UGT2B7: variants seen among roughly 807,000 people sequenced by gnomAD.
UGT2B7 encodes UDP-glucuronosyltransferase 2B7.
A neutral mutation model predicts 51.9 loss-of-function variants in UGT2B7; 51 were observed. That is an observed-to-expected ratio of 0.98 (90% CI 0.78 to 1.24). UGT2B7 has a LOEUF of 1.24. UGT2B7 is among the 50% of genes most tolerant of loss of function. The pLI, the probability that UGT2B7 is intolerant of heterozygous loss-of-function variation, is 0.00. For synonymous variants in UGT2B7, 225 were observed against 211.6 expected (o/e 1.06, Z -0.55); for missense variants, 727 against 628.4 (o/e 1.16, Z -1.68).
chr4:69,084,885 T>C (rs540633003), intron 1 of UGT2B7, among the ~76,000 whole-genome samples: 1 of 152,292 alleles, frequency 6.6e-6, no homozygotes, highest in African/African-American at 2.4e-5. Context: ...ATTGGTTGGG[T>C]TGGTTCTAAA....
chr4:69,089,415 C>G (rs1197278023), intron 1 of UGT2B7: 2 of 152,154 alleles, frequency 1.3e-5, no homozygotes, highest in East Asian at 3.8e-4. Flanking sequence ...CATAAGTAAA[C>G]TATATTATTC....
At chr4:69,065,675 G>T (rs1258207965) in intron 1 of UGT2B7, among the ~76,000 whole-genome samples, 1 of 152,028 alleles carries the variant, frequency 6.6e-6, no homozygotes, top group Non-Finnish European at 1.5e-5. Flanking sequence ...CATAGATGAT[G>T]GCATAGATTT....
intron 2 of UGT2B7, among the ~76,000 whole-genome samples, chr4:69,099,347 C>T (rs1719353647): frequency 6.6e-6 from 1 of 151,014 alleles, no homozygotes; most frequent in Non-Finnish European, 1.5e-5. Flanking sequence ...GACTAAGACT[C>T]GGATGATGGT....
At chr4:69,112,303 A>G (rs1214451819) in intron 5 of UGT2B7, among the ~76,000 whole-genome samples, 154 bp from the exon 6 acceptor site, 4 of 152,136 alleles carry the variant, frequency 2.6e-5, no homozygotes, top group African/African-American at 9.7e-5. Context: ...CTTAAAAGGG[A>G]CAGGAATTGC....
In UGT2B7 at chr4:69,112,468, A is replaced by C. The variant is rs766105768; in HGVS notation, c.1322A>C (p.Asn441Thr). 42 of 1,613,368 alleles carry C rather than the reference A, an allele frequency of 2.6e-5. No individual in the cohort carries two copies. The highest frequency in any genetic ancestry group is 3.6e-5 in the Non-Finnish European group (42 of 1,179,758). ...RVINDPSYKE[N>T]VMKLSRIQHD... ...TTTTTATCTTTCAGATATAAAGAGA[A>C]TGTTATGAAATTATCAAGAATTCAA... The change falls in exon 6 of 6, where the codon AAT (asparagine) becomes ACT (threonine). Residue 441 changes from asparagine (N) to threonine (T), a missense_variant. Asn to Thr is a moderately conservative substitution (Grantham distance 65). Transcript: ENST00000305231.
At chr4:69,084,208 A>T (rs1718899047) in intron 1 of UGT2B7, among the ~76,000 whole-genome samples, 1 of 152,038 alleles carries the variant, frequency 6.6e-6, no homozygotes, top group Non-Finnish European at 1.5e-5. Context: ...CCTTCTCTGT[A>T]TCCCTGGGAT....
At chr4:69,077,713 T>C (rs1240692613) in intron 1 of UGT2B7, among the ~76,000 whole-genome samples, 1 of 152,174 alleles carries the variant, frequency 6.6e-6, no homozygotes, top group Non-Finnish European at 1.5e-5. Context: ...TAACATATAA[T>C]CATGTCATCT....
At chr4:69,079,334 C>T (rs1051146952) in intron 1 of UGT2B7, among the ~76,000 whole-genome samples, 1 of 152,072 alleles carries the variant, frequency 6.6e-6, no homozygotes. Flanking sequence ...GAAGCTGATC[C>T]AAAAAGACAA....
chr4:69,088,543 C>T (rs146332520), intron 1 of UGT2B7, among the ~76,000 whole-genome samples: 200 of 152,202 alleles, frequency 1.3e-3, no homozygotes, highest in Middle Eastern at 6.8e-3. Context: ...AAATGTTATA[C>T]TTGTTTGCAG....
At chr4:69,082,792 A>T (rs1718867295) in intron 1 of UGT2B7, among the ~76,000 whole-genome samples, 1 of 152,162 alleles carries the variant, frequency 6.6e-6, no homozygotes, top group African/African-American at 2.4e-5. Flanking sequence ...GATTACACTA[A>T]ACAACAGAAT....
chr4:69,090,052 G>T (rs141740463), intron 2 of UGT2B7, among the ~76,000 whole-genome samples: 17 of 152,194 alleles, frequency 1.1e-4, no homozygotes, highest in African/African-American at 4.1e-4. Context: ...GTGTACTTGG[G>T]TATAAAAGTA....
chr4:69,058,629 G>T (rs1258226789), intron 1 of UGT2B7, among the ~76,000 whole-genome samples: 1 of 152,248 alleles, frequency 6.6e-6, no homozygotes, highest in Admixed American at 6.5e-5. Context: ...GCCAGCACAT[G>T]CTGAACACGG....
At chr4:69,056,225 A>G (rs945462008) in intron 1 of UGT2B7, among the ~76,000 whole-genome samples, 1 of 152,222 alleles carries the variant, frequency 6.6e-6, no homozygotes, top group African/African-American at 2.4e-5. Context: ...AAAAAATCAT[A>G]CAATACTATG....
At chr4:69,091,640 T>C (rs4434330), upstream of UGT2B7, among the ~76,000 whole-genome samples, 1,554 of 152,318 alleles carry the variant, frequency 0.01, 27 homozygotes, top group African/African-American at 0.036. Context: ...GTCTGGGAGC[T>C]ACCATCACAG....
At chr4:69,098,966 C>T (rs972517301) in intron 2 of UGT2B7, among the ~76,000 whole-genome samples, 10 of 151,818 alleles carry the variant, frequency 6.6e-5, no homozygotes, top group African/African-American at 1.2e-4. Context: ...AGGTATTGGT[C>T]ATCCAATCAA....
At chr4:69,056,567 C>T (rs966966606) in intron 1 of UGT2B7, among the ~76,000 whole-genome samples, 11 of 152,254 alleles carry the variant, frequency 7.2e-5, no homozygotes, top group Non-Finnish European at 1.2e-4. Flanking sequence ...AAGTGTGGCA[C>T]GGACACAATC....
intron 1 of UGT2B7, among the ~76,000 whole-genome samples, chr4:69,075,251 C>T (rs1718677604): frequency 6.6e-6 from 1 of 152,112 alleles, no homozygotes; most frequent in African/African-American, 2.4e-5. Flanking sequence ...TGAAATGTGG[C>T]AAGGCTTGTG....
intron 1 of UGT2B7, among the ~76,000 whole-genome samples, chr4:69,084,927 A>C (rs4273534): frequency 0.58 from 87,743 of 152,022 alleles, 26,327 homozygotes; most frequent in African/African-American, 0.71. Context: ...CTGCAATAAA[A>C]ATACTTGTGC....
intron 2 of UGT2B7, among the ~76,000 whole-genome samples, chr4:69,100,785 G>A (rs145543870): frequency 1.4e-4 from 22 of 152,134 alleles, no homozygotes; most frequent in Non-Finnish European, 1.9e-4. Context: ...TGTGAAACCC[G>A]TTCTTCGTTT....
Sources: gnomAD v4.1 joint callset for allele counts (sites outside exome capture counted in the v4.1 genomes callset) on GRCh38, gnomAD v4.1.1 for gene constraint, MANE v1.5 for transcripts, NCBI Gene and HGNC (gene_info 2026-07-23, HGNC 2026-07-21) for gene names.